The following LRP1B variants were observed in gnomAD, a reference collection of about 807,000 sequenced individuals.
LRP1B encodes the protein low-density lipoprotein receptor-related protein 1B.
A neutral mutation model predicts 556.6 loss-of-function variants in LRP1B; 217 were observed. That is an observed-to-expected ratio of 0.39 (90% CI 0.35 to 0.44). The LOEUF (loss-of-function observed/expected upper bound fraction) is 0.44. Among genes scored for constraint, LRP1B ranks in the 20% least tolerant of loss-of-function variants. The pLI, the probability that LRP1B is intolerant of heterozygous loss-of-function variation, is 1.00. For missense variants in LRP1B, 5,053 were observed against 5,620.8 expected (o/e 0.90, Z 3.23); for synonymous variants, 2,047 against 1,865.8 (o/e 1.10, Z -2.50).
chr2:140,263,616 C>T (rs946707262), intron 86 of LRP1B, among the ~76,000 whole-genome samples: 18 of 152,172 alleles, frequency 1.2e-4, no homozygotes, highest in Middle Eastern at 3.4e-3. Flanking sequence ...TAAGATTAAT[C>T]GCTTGCAGTT....
At chr2:141,266,259 G>A (rs533288793) in intron 3 of LRP1B, among the ~76,000 whole-genome samples, 16 of 149,958 alleles carry the variant, frequency 1.1e-4, no homozygotes, top group Admixed American at 8.1e-4. Flanking sequence ...GGGAGGCAGA[G>A]CTTGCAGTGA....
chr2:140,249,045 GAAA>G (rs5834726), intron 86 of LRP1B, among the ~76,000 whole-genome samples: 1 of 150,156 alleles, frequency 6.7e-6, no homozygotes, highest in African/African-American at 2.4e-5. Context: ...TCATTTAAAA[GAAA>G]AAAAAAACTA....
At chr2:141,295,710 G>T (rs967278779) in intron 3 of LRP1B, among the ~76,000 whole-genome samples, 6 of 144,680 alleles carry the variant, frequency 4.1e-5, no homozygotes, top group African/African-American at 7.6e-5. Flanking sequence ...AGAGGGAAAT[G>T]CCAAACAACT....
intron 32 of LRP1B, among the ~76,000 whole-genome samples, chr2:140,787,926 A>G (rs1197332310): frequency 6.6e-6 from 1 of 152,006 alleles, no homozygotes; most frequent in East Asian, 1.9e-4. Context: ...TAATTATTTT[A>G]TCTTCCACTC....
chr2:141,497,326 G>A (rs1256733890), intron 2 of LRP1B, among the ~76,000 whole-genome samples: 2 of 151,880 alleles, frequency 1.3e-5, no homozygotes, highest in African/African-American at 4.8e-5. Flanking sequence ...TCTGCTACCT[G>A]CAATTACTCA....
intron 31 of LRP1B, among the ~76,000 whole-genome samples, chr2:140,827,746 A>T (rs1691559124): frequency 6.6e-6 from 1 of 152,144 alleles, no homozygotes. Context: ...AAAGATAAAA[A>T]TATCTAGTTA....
chr2:141,665,393 C>A lies in LRP1B; in HGVS notation c.205+144886G>T, dbSNP rs542887815. Among the ~76,000 whole-genome samples, 311 of 152,248 alleles carry A rather than the reference C, an allele frequency of 2.0e-3. 2 individuals are homozygous for A. The highest frequency in any genetic ancestry group is 3.1e-3 in the Non-Finnish European group (214 of 68,022). On this transcript the variant is annotated intron_variant, in intron 2 of 90. Transcript: ENST00000389484. Reference sequence around the variant, plus strand: ...ACCACAATGAGATCCCATCTCGTGCCAGTCATAATGGCTATTGTTACAAAG... The same window carrying A: ...ACCACAATGAGATCCCATCTCGTGCAAGTCATAATGGCTATTGTTACAAAG...
chr2:141,793,496 A>G (rs796524299), intron 2 of LRP1B, among the ~76,000 whole-genome samples: 2 of 152,062 alleles, frequency 1.3e-5, no homozygotes, highest in South Asian at 2.1e-4. Flanking sequence ...CCAACACTTT[A>G]AAAAAGAAGG....
chr2:141,273,688 T>C (rs1315252535), intron 3 of LRP1B, among the ~76,000 whole-genome samples: 1 of 152,150 alleles, frequency 6.6e-6, no homozygotes, highest in African/African-American at 2.4e-5. Context: ...TTGTTTGGTA[T>C]GATATAAAAT....
At chr2:141,256,390 C>T (rs434276) in intron 3 of LRP1B, among the ~76,000 whole-genome samples, 1 of 151,548 alleles carries the variant, frequency 6.6e-6, no homozygotes, top group South Asian at 2.1e-4. Context: ...AAAATGAGAG[C>T]GAGACTGGAA....
intron 1 of LRP1B, among the ~76,000 whole-genome samples, chr2:141,953,049 T>C (rs1701153356): frequency 6.6e-6 from 1 of 152,030 alleles, no homozygotes; most frequent in Admixed American, 6.6e-5. Context: ...GTATTGGAGG[T>C]ATTCAACAGA....
intron 1 of LRP1B, among the ~76,000 whole-genome samples, chr2:141,907,871 C>T (rs1390895201): frequency 6.6e-6 from 1 of 151,894 alleles, no homozygotes; most frequent in Non-Finnish European, 1.5e-5. Context: ...TTTCCTTCCC[C>T]CAAGCCTGGC....
intron 1 of LRP1B, among the ~76,000 whole-genome samples, chr2:142,080,110 C>A (rs557722710): frequency 3.4e-4 from 51 of 151,578 alleles, no homozygotes; most frequent in South Asian, 8.4e-4. Flanking sequence ...AAAAAAAAAA[C>A]CCCACAAAGA....
intron 41 of LRP1B, among the ~76,000 whole-genome samples, chr2:140,676,666 T>C (rs78211846): frequency 6.6e-6 from 1 of 152,168 alleles, no homozygotes; most frequent in East Asian, 1.9e-4. Context: ...AGATTTGGAT[T>C]CTTGAAAATA....
intron 41 of LRP1B, among the ~76,000 whole-genome samples, chr2:140,621,401 G>T (rs202140317): frequency 2.3e-5 from 3 of 128,218 alleles, no homozygotes; most frequent in Non-Finnish European, 5.1e-5. Flanking sequence ...AAAAAAAAAA[G>T]AAAAGAAGAA....
intron 31 of LRP1B, among the ~76,000 whole-genome samples, chr2:140,816,405 A>G (rs1444221286): frequency 6.6e-6 from 1 of 152,126 alleles, no homozygotes; most frequent in Non-Finnish European, 1.5e-5. Context: ...CATGAACCAC[A>G]GCACCTGGCC....
At chr2:140,404,896 C>T (rs1254748989) in intron 66 of LRP1B, among the ~76,000 whole-genome samples, 1 of 152,186 alleles carries the variant, frequency 6.6e-6, no homozygotes, top group Admixed American at 6.5e-5. Context: ...TTCTACAAGA[C>T]ATGCTACCCA....
At chr2:140,814,971 T>C (rs1234834775) in intron 31 of LRP1B, among the ~76,000 whole-genome samples, 2 of 152,156 alleles carry the variant, frequency 1.3e-5, no homozygotes, top group African/African-American at 4.8e-5. Flanking sequence ...CTCAGCAGAA[T>C]CAGTATCCAC....
intron 1 of LRP1B, among the ~76,000 whole-genome samples, chr2:142,012,480 T>G (rs1702988471): frequency 6.6e-6 from 1 of 152,136 alleles, no homozygotes; most frequent in African/African-American, 2.4e-5. Context: ...TTATTCCATG[T>G]CAACTATGGT....
Sources: allele counts gnomAD v4.1 joint callset (sites outside exome capture counted in the v4.1 genomes callset), GRCh38; gene constraint gnomAD v4.1.1; transcripts MANE v1.5; gene names NCBI Gene and HGNC (gene_info 2026-07-23, HGNC 2026-07-21).